The following CEP290 variants were observed in gnomAD, a reference collection of about 807,000 sequenced individuals.
CEP290 encodes the protein centrosomal protein of 290 kDa.
CEP290 carries 317 observed loss-of-function variants against 344.9 expected under a neutral mutation model. The ratio of observed to expected loss-of-function variants is 0.92; its 90% confidence interval spans 0.84 to 1.01. The LOEUF (loss-of-function observed/expected upper bound fraction) is 1.01. CEP290 is among the 50% of genes least tolerant of loss of function. The pLI is 0.00. For missense variants in CEP290, 2,754 were observed against 2,761.4 expected (o/e 1.00, Z 0.06); for synonymous variants, 932 against 895.8 (o/e 1.04, Z -0.72).
At position 88,063,964 on chromosome 12, in the gene CEP290, A is replaced by C. The variant is rs1473886719; in HGVS notation, c.6270+17T>G. 1.3e-6 allele frequency: 2 copies of C among 1,575,804 alleles called. No individual in the cohort carries two copies. The highest frequency in any genetic ancestry group is 2.7e-5 in the African/African-American group (2 of 73,328). On this transcript the variant is annotated intron_variant, in intron 45 of 53. Coordinates refer to ENST00000552810, the MANE Select transcript of CEP290 (RefSeq NM_025114.4). ...GTTTTAGGCATTAGATTTCCTAATA[A>C]AAAACATTAAATTCACCTTTAATCT...
At chr12:88,058,556 C>T (rs2034200081) in intron 49 of CEP290, 3 of 368,940 alleles carry the variant, frequency 8.1e-6, no homozygotes, top group South Asian at 3.7e-5. Context: ...AGCCCAGGCT[C>T]ATAGCTGATG....
At position 88,115,372 on chromosome 12, in the gene CEP290, C is replaced by T. The variant is rs1265016333; in HGVS notation, c.1825-190G>A. ...CAGTAAAGCAGATGGTGATCTTAAT[C>T]CCACTTTCTCCCTCTCCCAACATCC... On this transcript the variant is annotated intron_variant, in intron 18 of 53. Coordinates refer to ENST00000552810, the MANE Select transcript of CEP290 (RefSeq NM_025114.4). 3 of 728,304 alleles carry T rather than the reference C, an allele frequency of 4.1e-6. No homozygotes were observed. In the African/African-American group the frequency reaches 5.4e-5, roughly 13 times the overall value. 45.1% of individuals were successfully genotyped at this position (728,304 alleles called of 1,614,324 possible). A position where few individuals can be genotyped will look rare whatever the true frequency, so the allele number is the denominator to read the frequency against.
chr12:88,050,676 T>C (rs575225184), intron 52 of CEP290, among the ~76,000 whole-genome samples: 25 of 152,304 alleles, frequency 1.6e-4, no homozygotes, highest in Non-Finnish European at 2.9e-4. Context: ...TAGGCCAAGT[T>C]ATTTTTTCTT....
intron 15 of CEP290, 109 bp from the exon 16 acceptor site, chr12:88,118,852 AAGAATGAGG>A (rs1344323829): frequency 4.1e-5 from 26 of 627,064 alleles, no homozygotes; most frequent in Non-Finnish European, 6.4e-5. Context: ...AGTATCACTG[AAGAATGAGG>A]TAACTTTCTG....
At chr12:88,086,726 T>TCCATCCATCCATCCATCCAA (rs2036608602) in intron 32 of CEP290, among the ~76,000 whole-genome samples, 1 of 151,980 alleles carries the variant, frequency 6.6e-6, no homozygotes, top group South Asian at 2.1e-4. Flanking sequence ...CATCCATCCA[T>TCCATCCATCCATCCATCCAA]CCATCCATCC....
chr12:88,082,047 G>T (rs2036237188), intron 37 of CEP290, among the ~76,000 whole-genome samples: 1 of 152,168 alleles, frequency 6.6e-6, no homozygotes, highest in African/African-American at 2.4e-5. Flanking sequence ...AGTGAGTAAA[G>T]AATCAAAGAC....
intron 14 of CEP290, 63 bp from the exon 15 acceptor site, chr12:88,120,339 C>G (rs2039328204): frequency 3.5e-6 from 3 of 866,492 alleles, no homozygotes. Context: ...TTATCAAGTT[C>G]ATGATTTTTT....
Position 88,139,201 on chromosome 12 carries a change from T to A in CEP290, c.251-10A>T, listed in dbSNP as rs190383141. On this transcript the variant is annotated splice_polypyrimidine_tract_variant and intron_variant, in intron 4 of 53. Transcript: ENST00000552810. ...GTTTTTAATTGATTTTCTATTTTTTTAAAAAAAAAGAAAAACGTTTTAATT... is the reference window on the plus strand; with the variant it reads ...GTTTTTAATTGATTTTCTATTTTTTAAAAAAAAAAGAAAAACGTTTTAATT... 4.8e-3 allele frequency: 5,230 copies of A among 1,086,436 alleles called. 123 individuals carry two copies. The African/African-American group carries it at 0.06, about 12-fold the overall frequency. 67.3% of individuals were successfully genotyped at this position (1,086,436 alleles called of 1,614,324 possible).
chr12:88,050,593 A>C (rs546463051), intron 52 of CEP290, among the ~76,000 whole-genome samples, 160 bp from the exon 53 acceptor site: 51 of 152,310 alleles, frequency 3.3e-4, no homozygotes, highest in Non-Finnish European at 5.1e-4. Flanking sequence ...TAAACACTTA[A>C]TGCTGCCTCC....
chr12:88,107,106 C>T lies in CEP290; in HGVS notation c.2484-8G>A, dbSNP rs1436691712. ...TTCCAGGTCTCCTTTTCACTAAAAA[C>T]AAAACAAAACAAAAAGACAATACTG... On this transcript the variant is annotated splice_region_variant and splice_polypyrimidine_tract_variant and intron_variant, in intron 23 of 53. Transcript: ENST00000552810. 7.0e-7 allele frequency: 1 copy of T among 1,423,406 alleles called. No individual in the cohort carries two copies. The highest frequency in any genetic ancestry group is 9.5e-7 in the Non-Finnish European group (1 of 1,055,406). 88.2% of individuals were successfully genotyped at this position (1,423,406 alleles called of 1,614,324 possible).
rs551679629 is a variant in CEP290 at position 88,136,830 on chromosome 12, T to C, written c.298-44A>G. The C allele has an allele frequency of 1.2e-4, 193 of 1,578,594 alleles. 1 individual carries two copies. In the East Asian group the frequency reaches 4.3e-3, roughly 35 times the overall value. ...AAGTATAAATTAATCCCATTATATT[T>C]TGAGGTTCAAATGAGTCAACAACAA... On this transcript the variant is annotated intron_variant, in intron 5 of 53. Transcript: ENST00000552810.
At chr12:88,109,277 G>A (rs1484465163) in intron 22 of CEP290, 96 bp from the exon 23 acceptor site, 2 of 541,638 alleles carry the variant, frequency 3.7e-6, no homozygotes, top group Non-Finnish European at 6.5e-6. Flanking sequence ...AACATTATAG[G>A]AAAGTTAAAA....
chr12:88,102,862 T>C lies in CEP290; in HGVS notation c.2967A>G (p.Arg989=), dbSNP rs371556205. The C allele has an allele frequency of 1.1e-5, 17 of 1,610,256 alleles. No individual in the cohort carries two copies. In the African/African-American group the frequency reaches 1.5e-4, roughly 14 times the overall value. ...CCTCCAGGTGTTCCAAGTTACTTGTTCTTTGAACAAGCATATTATCTTTTT... is the reference window on the plus strand; with the variant it reads ...CCTCCAGGTGTTCCAAGTTACTTGTCCTTTGAACAAGCATATTATCTTTTT... ...ILQKDNMLVQ[R]TSNLEHLECE... The change falls in exon 26 of 54, where the codon AGA becomes AGG. Residue 989 remains arginine, a synonymous_variant. Transcript: ENST00000552810.
intron 44 of CEP290, among the ~76,000 whole-genome samples, chr12:88,067,591 A>G (rs2035039788): frequency 1.3e-5 from 2 of 152,100 alleles, no homozygotes; most frequent in African/African-American, 4.8e-5. Context: ...ATTTTCAGCT[A>G]TGTGTCTCTT....
At chr12:88,125,925 T>C (rs930670755) in intron 12 of CEP290, among the ~76,000 whole-genome samples, 2 of 152,096 alleles carry the variant, frequency 1.3e-5, no homozygotes, top group Non-Finnish European at 2.9e-5. Flanking sequence ...ATTATAACCA[T>C]GCTTTTAGCT....
At chr12:88,102,641 TTGTG>T (rs59853208) in intron 26 of CEP290, among the ~76,000 whole-genome samples, 193 bp downstream of exon 26, 10 of 150,886 alleles carry the variant, frequency 6.6e-5, no homozygotes, top group Non-Finnish European at 8.9e-5. Flanking sequence ...AGATAATATA[TTGTG>T]TGTGTGTGTG....
At chr12:88,138,917 A>G (rs1356833516) in intron 5 of CEP290, among the ~76,000 whole-genome samples, 1 of 152,156 alleles carries the variant, frequency 6.6e-6, no homozygotes, top group African/African-American at 2.4e-5. Context: ...TCCCAAGACT[A>G]TAAGCTCCAT....
At chr12:88,067,452 C>A (rs934048245) in intron 44 of CEP290, among the ~76,000 whole-genome samples, 1 of 152,156 alleles carries the variant, frequency 6.6e-6, no homozygotes. Context: ...CTTGGCTGGA[C>A]TGACGCATCA....
In CEP290 at chr12:88,120,524, TAA is replaced by T. The variant is rs536091919; in HGVS notation, c.1360-250_1360-249del. Among the ~76,000 whole-genome samples, 1,145 of 152,262 alleles carry T rather than the reference TAA, an allele frequency of 7.5e-3. 20 individuals carry two copies. Among genetic ancestry groups the T allele is most frequent in the African/African-American group, 0.026 (1,099 of 41,552 alleles). The stretch of plus-strand genomic sequence containing the variant: ...AGTGACTCTGAATATGCATTACATA[TAA>T]AAAACACTTACCAAAATACTAAAAG... On this transcript the variant is annotated intron_variant, in intron 14 of 53. Coordinates refer to ENST00000552810, the MANE Select transcript of CEP290 (RefSeq NM_025114.4).
Sources: allele counts gnomAD v4.1 joint callset (sites outside exome capture counted in the v4.1 genomes callset), GRCh38; gene constraint gnomAD v4.1.1; transcripts MANE v1.5; gene names NCBI Gene and HGNC (gene_info 2026-07-23, HGNC 2026-07-21).